IGF2R: variants seen among roughly 807,000 people sequenced by gnomAD.
The protein encoded by IGF2R is cation-independent mannose-6-phosphate receptor.
IGF2R carries 91 observed loss-of-function variants against 270.6 expected under a neutral mutation model. That is an observed-to-expected ratio of 0.34 (90% CI 0.28 to 0.40). The LOEUF (loss-of-function observed/expected upper bound fraction) is 0.40, where lower values mean the gene tolerates loss of function less well. Ranked by LOEUF, IGF2R falls within the 10% of genes least tolerant of loss-of-function variation. The probability of loss-of-function intolerance (pLI) is 1.00; values close to 1 mark genes in which losing one functional copy is unlikely to be tolerated. For missense variants in IGF2R, 2,805 were observed against 3,188.3 expected (o/e 0.88, Z 2.90); for synonymous variants, 1,316 against 1,258.9 (o/e 1.05, Z -0.96).
In IGF2R at chr6:160,105,021, A is replaced by G. The variant is rs1370604578; in HGVS notation, c.7413A>G (p.Thr2471=). ...KGKSSSAQQK[T]VSSTKLVSFH... ...AGTCCAGCTCTGCACAGCAGAAGAC[A>G]GTGAGCTCCACCAAGCTGGTGTCCT... The change falls in exon 48 of 48, where the codon ACA becomes ACG. Residue 2471 remains threonine, a synonymous_variant. Transcript: ENST00000356956. 4 of 1,612,808 alleles carry G rather than the reference A, an allele frequency of 2.5e-6. No homozygotes were observed. In the East Asian group the frequency reaches 6.7e-5, roughly 27 times the overall value.
intron 19 of IGF2R, among the ~76,000 whole-genome samples, chr6:160,056,082 C>T (rs769814018): frequency 1.2e-4 from 18 of 152,166 alleles, no homozygotes; most frequent in Non-Finnish European, 2.2e-4. Context: ...TCCTACGTAC[C>T]GTTGCCTTTG....
chr6:160,034,488 G>T lies in IGF2R; in HGVS notation c.1281G>T (p.Met427Ile). ...AATGCAGCTCAGGGTTTCAGCGGATGAGCGTCATAAACTTTGAGTGCAATA... is the reference window on the plus strand; with the variant it reads ...AATGCAGCTCAGGGTTTCAGCGGATTAGCGTCATAAACTTTGAGTGCAATA... Reference protein sequence around the residue: ...GDECSSGFQRMSVINFECNKT... With the variant: ...GDECSSGFQRISVINFECNKT... Residue 427 changes from methionine to isoleucine, a missense_variant, in exon 10 of 48, where the codon ATG becomes ATT. Met to Ile is a conservative substitution (Grantham distance 10). Transcript: ENST00000356956. 6.2e-7 allele frequency: 1 copy of T among 1,611,664 alleles called. No individual in the cohort carries two copies. Among genetic ancestry groups the T allele is most frequent in the Non-Finnish European group, 8.5e-7 (1 of 1,177,796 alleles).
chr6:160,092,388 A>G (rs1056193150), intron 44 of IGF2R, among the ~76,000 whole-genome samples: 3 of 152,260 alleles, frequency 2.0e-5, no homozygotes, highest in Admixed American at 6.5e-5. Flanking sequence ...CTGGTTACAC[A>G]TAAGACCTCC....
At chr6:160,090,838 C>G (rs954402345) in intron 44 of IGF2R, among the ~76,000 whole-genome samples, 2 of 152,080 alleles carry the variant, frequency 1.3e-5, no homozygotes, top group Non-Finnish European at 2.9e-5. Flanking sequence ...AGCAGGTGCT[C>G]TGTGCCCTGG....
At position 160,069,849 on chromosome 6, in the gene IGF2R, C is replaced by T. The variant is rs757975221; in HGVS notation, c.4253-19C>T. 3.7e-6 allele frequency: 6 copies of T among 1,610,832 alleles called. No individual in the cohort carries two copies. The highest frequency in any genetic ancestry group is 5.1e-6 in the Non-Finnish European group (6 of 1,177,922). On this transcript the variant is annotated intron_variant, in intron 30 of 47. Transcript: ENST00000356956. ...GGGGAGTCACTAAAGGCAACTCTTT[C>T]TTGTGTCTGGTGCTGCAGAGCCGTG...
chr6:160,090,512 C>A (rs1328297263), intron 44 of IGF2R, among the ~76,000 whole-genome samples: 1 of 152,070 alleles, frequency 6.6e-6, no homozygotes, highest in East Asian at 1.9e-4. Context: ...AGGAAACTGG[C>A]CTAAATGTTA....
At chr6:160,063,893 T>C (rs1328078093) in intron 27 of IGF2R, among the ~76,000 whole-genome samples, 1 of 152,228 alleles carries the variant, frequency 6.6e-6, no homozygotes, top group Non-Finnish European at 1.5e-5. Context: ...CTCTTCTTTA[T>C]TACAACGTTG....
intron 4 of IGF2R, among the ~76,000 whole-genome samples, chr6:160,023,076 G>A (rs1181364550): frequency 1.3e-5 from 2 of 152,172 alleles, no homozygotes; most frequent in Non-Finnish European, 2.9e-5. Context: ...TAATTCTGAA[G>A]TGCTAATCCT....
chr6:159,969,292 G>A lies in IGF2R; in HGVS notation c.46G>A (p.Ala16Thr), dbSNP rs1026381846. 3 of 1,212,346 alleles carry A rather than the reference G, an allele frequency of 2.5e-6. No homozygotes were observed. Among genetic ancestry groups the A allele is most frequent in the Admixed American group, 8.0e-5 (2 of 24,890 alleles). The allele number at this position is 1,212,346 out of a possible 1,614,324, so 75.1% of individuals were successfully genotyped here. A position where few individuals can be genotyped will look rare whatever the true frequency, so the allele number is the denominator to read the frequency against. Reference protein sequence around the residue: ...GRSPHLGPAPARRPQRSLLLL... With the variant: ...GRSPHLGPAPTRRPQRSLLLL... The stretch of plus-strand genomic sequence containing the variant: ...GAGCCCCCACCTGGGGCCCGCGCCC[G>A]CCCGCCGCCCGCAGCGCTCTCTGCT... Residue 16 changes from alanine to threonine, a missense_variant, in exon 1 of 48, where the codon GCC (alanine) becomes ACC (threonine). By Grantham distance (58) the Ala-to-Thr change is moderately conservative. Coordinates refer to ENST00000356956, the MANE Select transcript of IGF2R (RefSeq NM_000876.4).
At chr6:160,091,126 G>A (rs1779214634) in intron 44 of IGF2R, among the ~76,000 whole-genome samples, 1 of 139,844 alleles carries the variant, frequency 7.2e-6, no homozygotes, top group African/African-American at 2.8e-5. Flanking sequence ...CGCCGAGAAG[G>A]AGCAGGTGCT....
At chr6:160,085,235 G>A in intron 41 of IGF2R, 104 bp downstream of exon 41, 1 of 1,225,744 alleles carries the variant, frequency 8.2e-7, no homozygotes, top group Admixed American at 2.2e-5. Flanking sequence ...TGCTTTGGTG[G>A]AAACCTCCAG....
rs921630898 is a variant in IGF2R at position 160,073,970 on chromosome 6, C to T, written c.5161C>T (p.Pro1721Ser). 2 of 1,609,080 alleles carry T rather than the reference C, an allele frequency of 1.2e-6. No homozygotes were observed. The highest frequency in any genetic ancestry group is 1.6e-4 in the Middle Eastern group (1 of 6,074). Residue 1721 changes from proline (P) to serine (S), a missense_variant, in exon 35 of 48, where the codon CCC becomes TCC. Pro to Ser is a moderately conservative substitution (Grantham distance 74). Transcript: ENST00000356956. ...GTGCAAAGTTCCTATTGATGGTCCCCCCATAGTAAGTATGACAAATCCAAG... is the reference window on the plus strand; with the variant it reads ...GTGCAAAGTTCCTATTGATGGTCCCTCCATAGTAAGTATGACAAATCCAAG... Reference protein sequence around the residue: ...AVCKVPIDGPPIDIGRVAGPP... With the variant: ...AVCKVPIDGPSIDIGRVAGPP...
At chr6:160,096,363 G>A in intron 44 of IGF2R, 76 bp from the exon 45 acceptor site, 1 of 1,354,364 alleles carries the variant, frequency 7.4e-7, no homozygotes, top group South Asian at 1.4e-5. Context: ...AAACTTTTTA[G>A]ACCGTAAGGA....
rs370989306 is a variant in IGF2R, at chr6:160,062,534, C to G, written c.3585C>G (p.Gly1195=). 15 of 1,610,108 alleles carry G rather than the reference C, an allele frequency of 9.3e-6. No individual in the cohort carries two copies. Among genetic ancestry groups the G allele is most frequent in the Non-Finnish European group, 9.3e-6 (11 of 1,176,590 alleles). Residue 1195 remains glycine (G), a splice_region_variant and synonymous_variant, in exon 26 of 48, where the codon GGC becomes GGG. Transcript: ENST00000356956. ...CAGGCTGCTGATTTATATTACAGGG[C>G]TCACCAGCATTTCAGCTTCAGGATG... The part of the protein sequence containing the change: ...RITFECAQIS[G]SPAFQLQDGC...
intron 2 of IGF2R, among the ~76,000 whole-genome samples, chr6:160,000,197 T>C (rs1242802713): frequency 6.6e-6 from 1 of 152,182 alleles, no homozygotes; most frequent in Non-Finnish European, 1.5e-5. Context: ...AACTACCTGA[T>C]ACTTGGTAAT....
chr6:160,072,645 C>G lies in IGF2R; in HGVS notation c.4571-120C>G, dbSNP rs983511701. On this transcript the variant is annotated intron_variant, in intron 32 of 47. Coordinates refer to ENST00000356956, the MANE Select transcript of IGF2R (RefSeq NM_000876.4). ...TTGGTGGAGGATTTAGGACAGGGGT[C>G]GTGGTGAGAAGTCAGAAGTCCCGAT... is the stretch of plus-strand genomic sequence containing the variant. 1.3e-5 allele frequency: 13 copies of G among 1,006,652 alleles called. 1 individual carries two copies. The highest frequency in any genetic ancestry group is 4.2e-4 in the Middle Eastern group (2 of 4,748). The allele number at this position is 1,006,652 out of a possible 1,614,324, so 62.4% of individuals were successfully genotyped here. A position where few individuals can be genotyped will look rare whatever the true frequency, so the allele number is the denominator to read the frequency against.
chr6:159,997,829 T>A (rs918036107), intron 2 of IGF2R, among the ~76,000 whole-genome samples: 1 of 152,222 alleles, frequency 6.6e-6, no homozygotes, highest in South Asian at 2.1e-4. Flanking sequence ...CCCCCACTTG[T>A]CATTTTGCAT....
chr6:160,071,900 T>C lies in IGF2R; in HGVS notation c.4444-10T>C. 1 of 1,614,132 alleles carries C rather than the reference T, an allele frequency of 6.2e-7. No individual in the cohort carries two copies. Among genetic ancestry groups the C allele is most frequent in the Non-Finnish European group, 8.5e-7 (1 of 1,179,990 alleles). On this transcript the variant is annotated splice_polypyrimidine_tract_variant and intron_variant, in intron 31 of 47. Transcript: ENST00000356956. ...TGATCCCTTCAGGACCTGTCTGTGC[T>C]TTGTTGTAGAACTCCAGGCCCATGT...
chr6:160,068,982 A>G (rs79422008), intron 30 of IGF2R, among the ~76,000 whole-genome samples: 1 of 152,250 alleles, frequency 6.6e-6, no homozygotes, highest in African/African-American at 2.4e-5. Flanking sequence ...ACATGAGGAG[A>G]TGAAGATATA....
Sources: gnomAD v4.1 joint callset for allele counts (sites outside exome capture counted in the v4.1 genomes callset) on GRCh38, gnomAD v4.1.1 for gene constraint, MANE v1.5 for transcripts, NCBI Gene and HGNC (gene_info 2026-07-23, HGNC 2026-07-21) for gene names.